TECRL: variants seen among roughly 807,000 people sequenced by gnomAD.
The protein encoded by TECRL is trans-2,3-enoyl-CoA reductase-like.
TECRL carries 63 observed loss-of-function variants against 52.8 expected under a neutral mutation model. That is an observed-to-expected ratio of 1.19 (90% CI 0.97 to 1.47). The LOEUF is 1.47. Among genes scored for constraint, TECRL ranks in the 40% most tolerant of loss-of-function variants. The pLI, the probability that TECRL is intolerant of heterozygous loss-of-function variation, is 0.00. For missense variants in TECRL, 482 were observed against 429.6 expected (o/e 1.12, Z -1.08); for synonymous variants, 164 against 141.9 (o/e 1.16, Z -1.10).
intron 8 of TECRL, among the ~76,000 whole-genome samples, chr4:64,294,692 T>C (rs998432813): frequency 7.9e-5 from 12 of 152,246 alleles, no homozygotes; most frequent in Admixed American, 1.3e-4. Flanking sequence ...TGAACCAATG[T>C]ACAAAGAACC....
chr4:64,386,377 T>G (rs1425599799), intron 1 of TECRL, among the ~76,000 whole-genome samples: 3 of 152,096 alleles, frequency 2.0e-5, no homozygotes, highest in Non-Finnish European at 4.4e-5. Context: ...ATCTTCATGC[T>G]AAGTAGGCTG....
chr4:64,387,768 A>G (rs1187590356), intron 1 of TECRL, among the ~76,000 whole-genome samples: 2 of 152,008 alleles, frequency 1.3e-5, no homozygotes, highest in African/African-American at 2.4e-5. Context: ...TTCTGTATCT[A>G]TTGATAAAAC....
At chr4:64,339,286 G>C (rs1251748994) in intron 2 of TECRL, among the ~76,000 whole-genome samples, 1 of 111,304 alleles carries the variant, frequency 9.0e-6, no homozygotes, top group Non-Finnish European at 1.7e-5. Flanking sequence ...CCTGTTGTGG[G>C]GTGGGGGGAG....
chr4:64,329,233 G>A (rs541987700), intron 2 of TECRL, among the ~76,000 whole-genome samples: 3 of 151,830 alleles, frequency 2.0e-5, no homozygotes, highest in East Asian at 1.9e-4. Flanking sequence ...CTATACTATC[G>A]TTTTAAAGTC....
At chr4:64,348,014 C>A (rs956942319) in intron 2 of TECRL, among the ~76,000 whole-genome samples, 1 of 152,170 alleles carries the variant, frequency 6.6e-6, no homozygotes, top group African/African-American at 2.4e-5. Flanking sequence ...CTACTCACTA[C>A]CCAGTTCCAA....
intron 2 of TECRL, among the ~76,000 whole-genome samples, chr4:64,359,355 T>C (rs533253148): frequency 4.6e-5 from 7 of 152,084 alleles, no homozygotes; most frequent in Non-Finnish European, 7.4e-5. Flanking sequence ...CAGATATCTA[T>C]CTCCCGTTGA....
intron 2 of TECRL, among the ~76,000 whole-genome samples, chr4:64,337,592 A>T (rs938782303): frequency 6.6e-6 from 1 of 152,208 alleles, no homozygotes; most frequent in Non-Finnish European, 1.5e-5. Context: ...CAGGATACGA[A>T]ATCAGTAAGC....
chr4:64,330,064 A>T (rs1427768907), intron 2 of TECRL, among the ~76,000 whole-genome samples: 3 of 151,826 alleles, frequency 2.0e-5, no homozygotes, highest in Non-Finnish European at 2.9e-5. Flanking sequence ...ATGAAGAAAA[A>T]ATCAGAGAAA....
downstream of TECRL, chr4:64,277,064 A>G: frequency 6.7e-7 from 1 of 1,498,106 alleles, no homozygotes; most frequent in African/African-American, 1.4e-5. Flanking sequence ...GGAAATAAAA[A>G]TGAGAAATAA....
intron 2 of TECRL, among the ~76,000 whole-genome samples, chr4:64,345,982 A>G (rs1269776102): frequency 3.6e-5 from 5 of 139,952 alleles, no homozygotes; most frequent in Non-Finnish European, 7.6e-5. Context: ...TACTGCCACT[A>G]AGATAAATAT....
At chr4:64,280,340 C>T (rs1722759194) in intron 11 of TECRL, 141 bp from the exon 12 acceptor site, 1 of 656,224 alleles carries the variant, frequency 1.5e-6, no homozygotes, top group South Asian at 4.6e-5. Context: ...TTATTCATAC[C>T]CATTCCCAAG....
At chr4:64,305,063 G>T in intron 7 of TECRL, 103 bp downstream of exon 7, 1 of 800,622 alleles carries the variant, frequency 1.2e-6, no homozygotes, top group Non-Finnish European at 1.9e-6. Flanking sequence ...AATTTAAAAT[G>T]AATTGTTTCA....
chr4:64,341,585 A>G (rs1043965969), intron 2 of TECRL, among the ~76,000 whole-genome samples: 2 of 152,102 alleles, frequency 1.3e-5, no homozygotes, highest in Non-Finnish European at 2.9e-5. Context: ...AGCCTGGGCG[A>G]CAAGAGTAAA....
At chr4:64,393,630 C>A (rs1025499396) in intron 1 of TECRL, among the ~76,000 whole-genome samples, 5 of 151,732 alleles carry the variant, frequency 3.3e-5, no homozygotes, top group Non-Finnish European at 7.4e-5. Context: ...ATAGCTTTCC[C>A]ATTTCTGCTT....
At chr4:64,290,327 G>A (rs1251720221) in intron 8 of TECRL, among the ~76,000 whole-genome samples, 1 of 151,984 alleles carries the variant, frequency 6.6e-6, no homozygotes, top group East Asian at 1.9e-4. Flanking sequence ...GTCCCTCCAA[G>A]ATCAAAGGCT....
chr4:64,297,178 T>C (rs562095751), intron 8 of TECRL, among the ~76,000 whole-genome samples: 3 of 151,418 alleles, frequency 2.0e-5, no homozygotes, highest in Non-Finnish European at 3.0e-5. Context: ...AGAATAGTAG[T>C]AGAAAAAACA....
At chr4:64,357,836 T>C (rs1179587042) in intron 2 of TECRL, among the ~76,000 whole-genome samples, 1 of 151,482 alleles carries the variant, frequency 6.6e-6, no homozygotes, top group Non-Finnish European at 1.5e-5. Flanking sequence ...TCAGAAGAAA[T>C]AGAGGAGGAA....
intron 6 of TECRL, among the ~76,000 whole-genome samples, chr4:64,307,369 A>C (rs2109992069): frequency 6.6e-6 from 1 of 152,274 alleles, no homozygotes; most frequent in Non-Finnish European, 1.5e-5. Flanking sequence ...AGCATAGGTA[A>C]GTGTGACTAT....
intron 6 of TECRL, 108 bp from the exon 7 acceptor site, chr4:64,305,346 T>C (rs1724267566): frequency 2.3e-6 from 2 of 857,614 alleles, no homozygotes; most frequent in Non-Finnish European, 3.7e-6. Context: ...AACCACCACA[T>C]ACATTTATAT....
Sources: allele counts gnomAD v4.1 joint callset (sites outside exome capture counted in the v4.1 genomes callset), GRCh38; gene constraint gnomAD v4.1.1; transcripts MANE v1.5; gene names NCBI Gene and HGNC (gene_info 2026-07-23, HGNC 2026-07-21).